Variants in RAB7B observed in about 807,000 individuals in gnomAD.
RAB7B encodes the protein ras-related protein Rab-7b.
chr1:205,990,750 C>T (rs1660706986), intron 4 of RAB7B, among the ~76,000 whole-genome samples: 1 of 151,088 alleles, frequency 6.6e-6, no homozygotes, highest in Non-Finnish European at 1.5e-5. Flanking sequence ...CTTGCAACAC[C>T]TCTCAGGCCA....
intron 5 of RAB7B, chr1:205,984,295 T>G (rs1221886495): frequency 2.6e-5 from 4 of 152,204 alleles, no homozygotes; most frequent in Non-Finnish European, 4.4e-5. Flanking sequence ...TGGGCTCTTC[T>G]CCCTGAGCAG....
Position 205,991,288 on chromosome 1 carries a change from A to G in RAB7B, c.396+1192T>C, listed in dbSNP as rs1051225908. Among the ~76,000 whole-genome samples the G allele has an allele frequency of 3.3e-3, 501 of 152,250 alleles. 5 individuals are homozygous for G. Among genetic ancestry groups the G allele is most frequent in the African/African-American group, 0.012 (480 of 41,560 alleles). On this transcript the variant is annotated intron_variant, in intron 4 of 5. Coordinates refer to ENST00000617070, the MANE Select transcript of RAB7B (RefSeq NM_001164522.3). Reference sequence around the variant, plus strand: ...CACCCACAGCTGGTCCCAGTGGGGGAAAAAATGGAGACACCTTGCCTTTGA... The same window carrying G: ...CACCCACAGCTGGTCCCAGTGGGGGGAAAAATGGAGACACCTTGCCTTTGA...
chr1:205,986,155 C>T (rs1660600615), intron 4 of RAB7B, among the ~76,000 whole-genome samples: 1 of 152,220 alleles, frequency 6.6e-6, no homozygotes, highest in South Asian at 2.1e-4. Context: ...CTTTCTTCCC[C>T]AGCCCAGCTA....
intron 4 of RAB7B, among the ~76,000 whole-genome samples, chr1:205,988,172 T>C (rs2102636611): frequency 6.6e-6 from 1 of 152,018 alleles, no homozygotes; most frequent in Admixed American, 6.6e-5. Flanking sequence ...ATTATAAATA[T>C]GTGTGTATAT....
At chr1:206,003,004 C>T (rs1037123283) in intron 1 of RAB7B, among the ~76,000 whole-genome samples, 4 of 152,250 alleles carry the variant, frequency 2.6e-5, no homozygotes, top group Non-Finnish European at 1.5e-5. Context: ...CGTCCTGGGA[C>T]TGATGGCCTT....
chr1:205,979,196 C>T (rs1388267626), intron 5 of RAB7B, among the ~76,000 whole-genome samples: 1 of 152,188 alleles, frequency 6.6e-6, no homozygotes, highest in Non-Finnish European at 1.5e-5. Flanking sequence ...TGTCCTATAA[C>T]TTTCCATTCT....
chr1:205,978,991 C>T, intron 5 of RAB7B, 63 bp from the exon 6 acceptor site: 1 of 398,032 alleles, frequency 2.5e-6, no homozygotes, highest in Non-Finnish European at 4.4e-6. Context: ...GCCCGCCCTT[C>T]ATTTCTTAGT....
chr1:205,995,626 A>G (rs1660801585), intron 1 of RAB7B, among the ~76,000 whole-genome samples: 1 of 152,230 alleles, frequency 6.6e-6, no homozygotes, highest in Non-Finnish European at 1.5e-5. Flanking sequence ...AAGTGAAATA[A>G]CCCAGGCAAA....
chr1:205,993,830 A>G (rs1660765897), intron 2 of RAB7B, among the ~76,000 whole-genome samples: 1 of 152,244 alleles, frequency 6.6e-6, no homozygotes, highest in African/African-American at 2.4e-5. Flanking sequence ...ATGGGAGGAC[A>G]GATAGATGCT....
At chr1:205,992,824 T>C in intron 3 of RAB7B, 129 bp from the exon 4 acceptor site, 1 of 397,338 alleles carries the variant, frequency 2.5e-6, no homozygotes, top group Non-Finnish European at 4.4e-6. Flanking sequence ...GTGCATATGG[T>C]TCTTTCACAC....
At chr1:206,001,900 C>T (rs1043292590) in intron 1 of RAB7B, among the ~76,000 whole-genome samples, 10 of 152,174 alleles carry the variant, frequency 6.6e-5, no homozygotes, top group African/African-American at 1.7e-4. Context: ...CTCCTTACCC[C>T]GCTGGCTCCA....
intron 1 of RAB7B, 112 bp from the exon 2 acceptor site, chr1:205,994,263 C>T (rs1040661453): frequency 6.6e-5 from 26 of 394,714 alleles, no homozygotes; most frequent in Admixed American, 2.7e-4. Flanking sequence ...GCCCTGGGCC[C>T]GGGACTGGGT....
chr1:205,992,684 C>T lies in RAB7B; in HGVS notation c.192G>A (p.Thr64=), dbSNP rs919350445. 32 of 398,850 alleles carry T rather than the reference C, an allele frequency of 8.0e-5. No homozygotes were observed. The South Asian group carries it at 3.2e-3, about 40-fold the overall frequency. The allele number at this position is 398,850 out of a possible 1,614,324, so 24.7% of individuals were successfully genotyped here. The part of the protein sequence containing the change: ...DTTLKLQIWD[T]GGQERFRSMV... ...TGGAGCGGAACCGCTCCTGACCGCCCGTGTCCCAGATCTGGAGGGGAAAGC... is the reference window on the plus strand; with the variant it reads ...TGGAGCGGAACCGCTCCTGACCGCCTGTGTCCCAGATCTGGAGGGGAAAGC... The change falls in exon 4 of 6, where the codon ACG becomes ACA. Residue 64 remains threonine, a synonymous_variant. Transcript: ENST00000617070.
chr1:206,002,319 A>G (rs1660904240), intron 1 of RAB7B, among the ~76,000 whole-genome samples: 1 of 152,098 alleles, frequency 6.6e-6, no homozygotes, highest in Admixed American at 6.5e-5. Flanking sequence ...CTTGTTCTTT[A>G]GGTTATTTGA....
intron 3 of RAB7B, among the ~76,000 whole-genome samples, chr1:205,992,941 A>G (rs987574799): frequency 6.6e-5 from 10 of 152,322 alleles, no homozygotes; most frequent in African/African-American, 9.6e-5. Flanking sequence ...CCTCTGGGTC[A>G]TCAAGGTGGC....
chr1:205,985,773 C>CCCCACCAGG lies in RAB7B; in HGVS notation c.397-109_397-108insCCTGGTGGG, dbSNP rs1660587405. ...CCATCAGGCCCACCATCCCCACCAT[C>CCCCACCAGG]CCCATCATCCCCACCAGGCCCACCA... is the stretch of plus-strand genomic sequence containing the variant. On this transcript the variant is annotated intron_variant, in intron 4 of 5. Coordinates refer to ENST00000617070, the MANE Select transcript of RAB7B (RefSeq NM_001164522.3). 984 of 208,084 alleles carry CCCCACCAGG rather than the reference C, an allele frequency of 4.7e-3. 139 individuals are homozygous for CCCCACCAGG. Among genetic ancestry groups the CCCCACCAGG allele is most frequent in the African/African-American group, 0.015 (335 of 22,154 alleles). The allele number at this position is 208,084 out of a possible 1,614,324, so 12.9% of individuals were successfully genotyped here.
At chr1:205,987,627 C>T (rs970131160) in intron 4 of RAB7B, among the ~76,000 whole-genome samples, 6 of 152,304 alleles carry the variant, frequency 3.9e-5, no homozygotes, top group Admixed American at 2.0e-4. Flanking sequence ...CTTAAGTCTA[C>T]GGAATCACTG....
At chr1:205,995,110 G>A (rs907208043) in intron 1 of RAB7B, among the ~76,000 whole-genome samples, 2 of 152,140 alleles carry the variant, frequency 1.3e-5, no homozygotes, top group Non-Finnish European at 2.9e-5. Flanking sequence ...GGCCTGTCAC[G>A]GGGTGGGGGC....
intron 5 of RAB7B, among the ~76,000 whole-genome samples, chr1:205,980,469 C>T (rs1222419246): frequency 1.3e-5 from 2 of 152,244 alleles, no homozygotes; most frequent in African/African-American, 2.4e-5. Flanking sequence ...GTTCTCCAGG[C>T]CCCAGGCCTC....
Sources: gnomAD v4.1 joint callset for allele counts (sites outside exome capture counted in the v4.1 genomes callset) on GRCh38, gnomAD v4.1.1 for gene constraint, MANE v1.5 for transcripts, NCBI Gene and HGNC (gene_info 2026-07-23, HGNC 2026-07-21) for gene names.